The following KLF5 variants were observed in gnomAD, a reference collection of about 807,000 sequenced individuals.
The protein encoded by KLF5 is KLF transcription factor 5.
KLF5 carries 9 observed loss-of-function variants against 36.9 expected under a neutral mutation model. That is an observed-to-expected ratio of 0.24 (90% confidence interval 0.15 to 0.43). KLF5 has a LOEUF of 0.43. Ranked by LOEUF, KLF5 falls within the 20% of genes least tolerant of loss-of-function variation. The pLI, the probability that KLF5 is intolerant of heterozygous loss-of-function variation, is 1.00. For missense variants in KLF5, 524 were observed against 599.5 expected (o/e 0.87, Z 1.31); for synonymous variants, 246 against 241.7 (o/e 1.02, Z -0.17).
chr13:73,070,273 G>A (rs2044713131), intron 3 of KLF5, among the ~76,000 whole-genome samples: 1 of 152,168 alleles, frequency 6.6e-6, no homozygotes, highest in Non-Finnish European at 1.5e-5. Flanking sequence ...GTCACCATGT[G>A]AAGTGCAAAT....
intron 1 of KLF5, chr13:73,059,956 C>A: frequency 4.4e-6 from 1 of 226,498 alleles, no homozygotes; most frequent in Non-Finnish European, 7.3e-6. Context: ...GCCTGTACCG[C>A]TCTCCAATGC....
In KLF5 at chr13:73,059,355, G is replaced by A; in HGVS notation, c.28G>A (p.Ala10Thr). The change falls in exon 1 of 4, where the codon GCC (alanine) becomes ACC (threonine). Residue 10 changes from alanine (A) to threonine (T), a missense_variant. This residue lies in a region of KLF5 where 454 missense variants were observed against 458.1 expected (regional missense o/e 0.99). Coordinates refer to ENST00000377687, the MANE Select transcript of KLF5 (RefSeq NM_001730.5). ...GGCTACAAGGGTGCTGAGCATGAGC[G>A]CCCGCCTGGGACCCGTGCCCCAGCC... is the stretch of plus-strand genomic sequence containing the variant. MATRVLSMS[A>T]RLGPVPQPPA... 1.4e-6 allele frequency: 2 copies of A among 1,419,900 alleles called. No individual in the cohort carries two copies. Among genetic ancestry groups the A allele is most frequent in the Non-Finnish European group, 1.8e-6 (2 of 1,088,242 alleles). 88.0% of individuals were successfully genotyped at this position (1,419,900 alleles called of 1,614,324 possible).
At chr13:73,071,504 A>G (rs527591383) in intron 3 of KLF5, among the ~76,000 whole-genome samples, 18 of 152,324 alleles carry the variant, frequency 1.2e-4, no homozygotes, top group Admixed American at 2.6e-4. Context: ...TTACTGGCAT[A>G]GACGTAAAAA....
At chr13:73,062,843 T>TG in intron 2 of KLF5, 109 bp downstream of exon 2, 1 of 857,574 alleles carries the variant, frequency 1.2e-6, no homozygotes, top group Non-Finnish European at 1.8e-6. Flanking sequence ...TTCAACCTCA[T>TG]GGCTTTAAAT....
In KLF5 at chr13:73,062,203, G is replaced by T; in HGVS notation, c.604G>T (p.Glu202Ter). ...IFSSHQTAAP[E>*]VNNIFIKQEL... ...CAGCTCACACCAGACCGCAGCTCCA[G>T]AGGTGAACAATATTTTCATCAAACA... Residue 202 changes from glutamate (E) to a stop codon, truncating the protein, a stop_gained, in exon 2 of 4, where the codon GAG becomes TAG. Coordinates refer to ENST00000377687, the MANE Select transcript of KLF5 (RefSeq NM_001730.5). LOFTEE classifies it high-confidence loss of function. The T allele has an allele frequency of 6.2e-7, 1 of 1,614,104 alleles. No homozygotes were observed. The highest frequency in any genetic ancestry group is 8.5e-7 in the Non-Finnish European group (1 of 1,180,030).
intron 1 of KLF5, among the ~76,000 whole-genome samples, chr13:73,060,212 A>G (rs912847699): frequency 7.3e-5 from 11 of 151,692 alleles, no homozygotes; most frequent in Middle Eastern, 3.2e-3. Context: ...GTGTGCACGT[A>G]AATTTCCTCC....
chr13:73,069,945 G>T (rs2044710783), intron 3 of KLF5, among the ~76,000 whole-genome samples: 1 of 152,146 alleles, frequency 6.6e-6, no homozygotes, highest in South Asian at 2.1e-4. Flanking sequence ...AGTCACCCAA[G>T]AATTTGGCAG....
intron 2 of KLF5, among the ~76,000 whole-genome samples, chr13:73,063,514 A>G (rs190803960): frequency 6.6e-6 from 1 of 152,316 alleles, no homozygotes; most frequent in African/African-American, 2.4e-5. Flanking sequence ...TAAAATTTTT[A>G]AAAAAACATA....
intron 3 of KLF5, among the ~76,000 whole-genome samples, chr13:73,066,510 G>A (rs767229259): frequency 1.7e-4 from 26 of 152,068 alleles, no homozygotes; most frequent in Non-Finnish European, 2.4e-4. Flanking sequence ...AATGATTGTC[G>A]TTTTACAGGC....
At position 73,062,663 on chromosome 13, in the gene KLF5, A is replaced by G; in HGVS notation, c.1064A>G (p.Gln355Arg). ...TTLPVNSQNIQPVRYNRRSNP... is the reference protein window; with the variant it reads ...TTLPVNSQNIRPVRYNRRSNP... ...CTGCCAGTTAACTCACAAAACATCC[A>G]ACCTGTCAGATACAATAGAAGGAGT... is the stretch of plus-strand genomic sequence containing the variant. Residue 355 changes from glutamine to arginine, a missense_variant, in exon 2 of 4, where the codon CAA becomes CGA. Around this residue, in one of 4 missense-constraint regions of KLF5, gnomAD observed 46 missense variants for 105.8 expected, o/e 0.43. Transcript: ENST00000377687. The G allele has an allele frequency of 5.6e-6, 9 of 1,614,116 alleles. No individual in the cohort carries two copies. The highest frequency in any genetic ancestry group is 7.6e-6 in the Non-Finnish European group (9 of 1,179,990).
chr13:73,068,834 G>A (rs1046337184), intron 3 of KLF5, among the ~76,000 whole-genome samples: 1 of 151,530 alleles, frequency 6.6e-6, no homozygotes, highest in African/African-American at 2.4e-5. Flanking sequence ...GGCGGCTCAC[G>A]CCTGTAATCC....
chr13:73,069,850 C>A (rs1323493892), intron 3 of KLF5, among the ~76,000 whole-genome samples: 2 of 152,132 alleles, frequency 1.3e-5, no homozygotes, highest in Non-Finnish European at 2.9e-5. Context: ...CCCTTTTGTT[C>A]ATAGACTAAA....
chr13:73,074,598 G>C (rs1307716679), intron 3 of KLF5, among the ~76,000 whole-genome samples: 2 of 152,186 alleles, frequency 1.3e-5, no homozygotes, highest in African/African-American at 4.8e-5. Context: ...ATGATCTCCA[G>C]TAGGATTCTT....
rs1437563843 is a variant in KLF5 at position 73,077,416 on chromosome 13, G to A, written c.*1530G>A. Reference sequence around the variant, plus strand: ...TCTTTTTCCCTCTTATTTTTGTATTGTGGTCATTTCCTATGCAAATAATGG... The same window carrying A: ...TCTTTTTCCCTCTTATTTTTGTATTATGGTCATTTCCTATGCAAATAATGG... On this transcript the variant is annotated 3_prime_UTR_variant, in exon 4 of 4. Transcript: ENST00000377687. 1 of 152,522 alleles carries A rather than the reference G, an allele frequency of 6.6e-6. No individual in the cohort carries two copies. The highest frequency in any genetic ancestry group is 1.5e-5 in the Non-Finnish European group (1 of 68,024). The allele number at this position is 152,522 out of a possible 1,614,324, so 9.4% of individuals were successfully genotyped here. A position where few individuals can be genotyped will look rare whatever the true frequency, so the allele number is the denominator to read the frequency against.
intron 1 of KLF5, 26 bp downstream of exon 1, chr13:73,059,614 C>T (rs1166574705): frequency 5.2e-6 from 6 of 1,144,858 alleles, no homozygotes; most frequent in Non-Finnish European, 6.4e-6. Flanking sequence ...CCCCTCCCAC[C>T]GCAGCACTCC....
Position 73,061,757 on chromosome 13 carries a change from A to T in KLF5, c.262-104A>T. The T allele has an allele frequency of 1.1e-5, 11 of 1,043,464 alleles. No homozygotes were observed. In the South Asian group the frequency reaches 1.6e-4, roughly 15 times the overall value. 64.6% of individuals were successfully genotyped at this position (1,043,464 alleles called of 1,614,324 possible). ...GCAACACTGAGGAGTTTGCCCTAGT[A>T]CCTTACACAGGGATTGGGGGAATTT... On this transcript the variant is annotated intron_variant, in intron 1 of 3. Coordinates refer to ENST00000377687, the MANE Select transcript of KLF5 (RefSeq NM_001730.5).
intron 2 of KLF5, 33 bp downstream of exon 2, chr13:73,062,767 G>C: frequency 6.6e-7 from 1 of 1,525,680 alleles, no homozygotes; most frequent in Non-Finnish European, 9.0e-7. Context: ...AGCATCAATA[G>C]ATGTAGTGTG....
chr13:73,076,131 A>T lies in KLF5; in HGVS notation c.*245A>T. The T allele has an allele frequency of 6.1e-5, 18 of 292,748 alleles. No homozygotes were observed. Among genetic ancestry groups the T allele is most frequent in the East Asian group, 1.1e-4 (2 of 18,082 alleles). The allele number at this position is 292,748 out of a possible 1,614,324, so 18.1% of individuals were successfully genotyped here. On this transcript the variant is annotated 3_prime_UTR_variant, in exon 4 of 4. Coordinates refer to ENST00000377687, the MANE Select transcript of KLF5 (RefSeq NM_001730.5). ...GCTTTACTCAAGCAGATCTCATCTC[A>T]TGACAGGCAGCCACGTCTCAACATG...
In KLF5 at chr13:73,076,339, G is replaced by A. The variant is rs2044761469; in HGVS notation, c.*453G>A. The A allele has an allele frequency of 6.5e-6, 1 of 154,006 alleles. No individual in the cohort carries two copies. Among genetic ancestry groups the A allele is most frequent in the Admixed American group, 6.5e-5 (1 of 15,300 alleles). 9.5% of individuals were successfully genotyped at this position (154,006 alleles called of 1,614,324 possible). A position where few individuals can be genotyped will look rare whatever the true frequency, so the allele number is the denominator to read the frequency against. On this transcript the variant is annotated 3_prime_UTR_variant, in exon 4 of 4. Transcript: ENST00000377687. ...TAGTAGGTAATTCCTTAGAGATACA[G>A]TATACCTGGCAATTCACAAATAGCC...
Sources: allele counts gnomAD v4.1 joint callset (sites outside exome capture counted in the v4.1 genomes callset), GRCh38; gene constraint gnomAD v4.1.1; regional missense constraint gnomAD v4.1.1; transcripts MANE v1.5; gene names NCBI Gene and HGNC (gene_info 2026-07-23, HGNC 2026-07-21).